Variants in CTNNA3 observed in about 807,000 individuals in gnomAD.
CTNNA3 encodes the protein catenin alpha-3.
In CTNNA3, 76 loss-of-function variants were observed where a neutral mutation model predicts 95.7. The observed-to-expected ratio is 0.79, with a 90% CI of 0.66 to 0.96. The LOEUF (loss-of-function observed/expected upper bound fraction) is 0.96. Among genes scored for constraint, CTNNA3 ranks in the 40% least tolerant of loss-of-function variants. The probability of loss-of-function intolerance (pLI) is 0.00; values close to 1 mark genes in which losing one functional copy is unlikely to be tolerated. For synonymous variants in CTNNA3, 431 were observed against 374.4 expected (o/e 1.15, Z -1.74); for missense variants, 1,191 against 1,089.8 (o/e 1.09, Z -1.31).
chr10:66,053,656 T>C (rs2080010261), intron 15 of CTNNA3, among the ~76,000 whole-genome samples: 1 of 152,076 alleles, frequency 6.6e-6, no homozygotes, highest in African/African-American at 2.4e-5. Context: ...GAATACATAA[T>C]AGTTGTACAC....
intron 7 of CTNNA3, among the ~76,000 whole-genome samples, chr10:67,106,102 C>A (rs1272345935): frequency 6.6e-6 from 1 of 152,162 alleles, no homozygotes; most frequent in Non-Finnish European, 1.5e-5. Context: ...GGGGTTGTAG[C>A]CCTTAGCGGC....
At chr10:66,472,231 T>C (rs987053528) in intron 11 of CTNNA3, among the ~76,000 whole-genome samples, 7 of 151,954 alleles carry the variant, frequency 4.6e-5, no homozygotes, top group Admixed American at 2.0e-4. Flanking sequence ...TTAGATTTTT[T>C]TTTTTAGGAG....
intron 7 of CTNNA3, among the ~76,000 whole-genome samples, chr10:67,060,876 C>G (rs1443618630): frequency 1.3e-5 from 2 of 152,164 alleles, no homozygotes; most frequent in African/African-American, 4.8e-5. Flanking sequence ...ATGACTTTAA[C>G]TAGTTTTTTT....
chr10:66,347,965 G>T (rs1390153411), intron 12 of CTNNA3, among the ~76,000 whole-genome samples: 1 of 152,048 alleles, frequency 6.6e-6, no homozygotes, highest in African/African-American at 2.4e-5. Flanking sequence ...TTCACAAACA[G>T]GAGGCAATGA....
chr10:66,356,452 A>G lies in CTNNA3; in HGVS notation c.1732+22700T>C, dbSNP rs1263286131. Among the ~76,000 whole-genome samples, 4 of 151,854 alleles carry G rather than the reference A, an allele frequency of 2.6e-5. No homozygotes were observed. The East Asian group carries it at 7.7e-4, about 29-fold the overall frequency. ...TATACTTACGTATATCAATTTTTGA[A>G]GTTTTGGTAACTGGTATTCTTTTAT... On this transcript the variant is annotated intron_variant, in intron 12 of 17. Coordinates refer to ENST00000433211, the MANE Select transcript of CTNNA3 (RefSeq NM_013266.4).
chr10:66,317,532 A>G lies in CTNNA3; in HGVS notation c.1733-36911T>C, dbSNP rs981052933. On this transcript the variant is annotated intron_variant, in intron 12 of 17. Coordinates refer to ENST00000433211, the MANE Select transcript of CTNNA3 (RefSeq NM_013266.4). ...ACTAAAAATACAAAAGATTAGCTGGACGTGGTGGTAGGCACCTATAATCCC... is the reference window on the plus strand; with the variant it reads ...ACTAAAAATACAAAAGATTAGCTGGGCGTGGTGGTAGGCACCTATAATCCC... 3.3e-5 allele frequency among the ~76,000 whole-genome samples: 5 copies of G among 151,892 alleles called. 1 individual carries two copies. Among genetic ancestry groups the G allele is most frequent in the Middle Eastern group, 6.8e-3 (2 of 294 alleles).
intron 7 of CTNNA3, among the ~76,000 whole-genome samples, chr10:67,030,534 A>G (rs1853650050): frequency 6.6e-6 from 1 of 151,760 alleles, no homozygotes; most frequent in African/African-American, 2.4e-5. Flanking sequence ...AAGTGCCCCA[A>G]AGGAGTGATT....
chr10:66,430,986 A>C (rs1008655606), intron 11 of CTNNA3, among the ~76,000 whole-genome samples: 1 of 152,128 alleles, frequency 6.6e-6, no homozygotes, highest in Non-Finnish European at 1.5e-5. Flanking sequence ...ATGGGAGAAA[A>C]TTTTTGCAAA....
intron 10 of CTNNA3, among the ~76,000 whole-genome samples, chr10:66,545,245 T>A: frequency 6.6e-6 from 1 of 152,064 alleles, no homozygotes; most frequent in Non-Finnish European, 1.5e-5. Flanking sequence ...ATGCTAATTT[T>A]TCTTTTTAAT....
intron 7 of CTNNA3, among the ~76,000 whole-genome samples, chr10:66,942,545 A>G (rs2132686209): frequency 7.8e-6 from 1 of 128,392 alleles, no homozygotes; most frequent in East Asian, 2.2e-4. Flanking sequence ...ACATTGCCAT[A>G]ATGTCTCTCT....
chr10:67,694,546 T>C (rs946357648), intron 1 of CTNNA3, among the ~76,000 whole-genome samples: 9 of 152,088 alleles, frequency 5.9e-5, no homozygotes, highest in Admixed American at 2.0e-4. Flanking sequence ...AGTAAATAAA[T>C]ACACAAAGAT....
intron 7 of CTNNA3, among the ~76,000 whole-genome samples, chr10:67,123,045 C>A (rs767833424): frequency 1.2e-4 from 18 of 152,062 alleles, no homozygotes; most frequent in African/African-American, 1.7e-4. Flanking sequence ...ACCCCAAATC[C>A]ATACTATTAA....
chr10:66,374,940 T>C (rs2092784363), intron 12 of CTNNA3, among the ~76,000 whole-genome samples: 2 of 151,996 alleles, frequency 1.3e-5, no homozygotes, highest in Non-Finnish European at 2.9e-5. Context: ...TATGACAGTA[T>C]ATCTGAGGAG....
At chr10:67,045,956 C>A (rs528525339) in intron 7 of CTNNA3, among the ~76,000 whole-genome samples, 2 of 152,160 alleles carry the variant, frequency 1.3e-5, no homozygotes, top group South Asian at 4.1e-4. Flanking sequence ...TTCTTTTTTT[C>A]TCTCTTAAGT....
intron 7 of CTNNA3, among the ~76,000 whole-genome samples, chr10:67,133,016 T>A (rs1860098806): frequency 6.6e-6 from 1 of 151,756 alleles, no homozygotes; most frequent in South Asian, 2.1e-4. Context: ...CAGACTACAG[T>A]GACTATACTT....
chr10:66,833,365 A>G (rs953639066), intron 7 of CTNNA3, among the ~76,000 whole-genome samples: 1 of 152,198 alleles, frequency 6.6e-6, no homozygotes, highest in Non-Finnish European at 1.5e-5. Context: ...ACATTTTTCT[A>G]TCTTGTTTAT....
At chr10:66,023,054 G>C (rs2079255051) in intron 15 of CTNNA3, among the ~76,000 whole-genome samples, 1 of 151,274 alleles carries the variant, frequency 6.6e-6, no homozygotes, top group South Asian at 2.1e-4. Context: ...TTGCTTCCTT[G>C]CTAGAATTCG....
chr10:66,176,481 T>C (rs1425042553), intron 13 of CTNNA3, among the ~76,000 whole-genome samples: 4 of 152,112 alleles, frequency 2.6e-5, no homozygotes, highest in Non-Finnish European at 5.9e-5. Context: ...AGAGATCAGA[T>C]AGTAACTTAC....
At chr10:65,950,675 A>G (rs2133206776) in intron 17 of CTNNA3, among the ~76,000 whole-genome samples, 1 of 152,326 alleles carries the variant, frequency 6.6e-6, no homozygotes, top group East Asian at 1.9e-4. Context: ...ATTGATAACA[A>G]CCAAGCTAAT....
Sources: allele counts gnomAD v4.1 joint callset (sites outside exome capture counted in the v4.1 genomes callset), GRCh38; gene constraint gnomAD v4.1.1; transcripts MANE v1.5; gene names NCBI Gene and HGNC (gene_info 2026-07-23, HGNC 2026-07-21).